WDR7: variants seen among roughly 807,000 people sequenced by gnomAD.
The protein encoded by WDR7 is WD repeat-containing protein 7.
WDR7 carries 46 observed loss-of-function variants against 169.4 expected under a neutral mutation model. That is an observed-to-expected ratio of 0.27 (90% CI 0.21 to 0.35). WDR7 has a LOEUF of 0.35. Among genes scored for constraint, WDR7 ranks in the 10% least tolerant of loss-of-function variants. The pLI, the probability that WDR7 is intolerant of heterozygous loss-of-function variation, is 1.00. For missense variants in WDR7, 1,534 were observed against 1,859.3 expected, an observed-to-expected ratio of 0.83 and a Z score of 3.22; for synonymous variants, 612 against 666.8, an observed-to-expected ratio of 0.92 and a Z score of 1.27.
chr18:56,972,820 A>G (rs1187235270), intron 26 of WDR7, among the ~76,000 whole-genome samples: 5 of 151,404 alleles, frequency 3.3e-5, no homozygotes, highest in Non-Finnish European at 4.4e-5. Context: ...TTATCCCACC[A>G]CTCACAAGTA....
intron 12 of WDR7, among the ~76,000 whole-genome samples, chr18:56,717,689 T>C (rs2026223050): frequency 6.6e-6 from 1 of 152,184 alleles, no homozygotes. Flanking sequence ...ATAGCAATCA[T>C]TGTAGTGAGG....
intron 5 of WDR7, among the ~76,000 whole-genome samples, chr18:56,685,381 C>T (rs2144589709): frequency 6.6e-6 from 1 of 152,322 alleles, no homozygotes; most frequent in East Asian, 1.9e-4. Flanking sequence ...TCCCCTCCTT[C>T]ACTCTGGAGC....
At chr18:56,917,875 A>C (rs1568266076) in intron 21 of WDR7, among the ~76,000 whole-genome samples, 1 of 152,182 alleles carries the variant, frequency 6.6e-6, no homozygotes, top group Admixed American at 6.5e-5. Flanking sequence ...AAGTACAATT[A>C]AAGTTGGGAC....
At chr18:56,665,184 T>TA (rs1191185850) in intron 1 of WDR7, among the ~76,000 whole-genome samples, 1 of 151,656 alleles carries the variant, frequency 6.6e-6, no homozygotes, top group Non-Finnish European at 1.5e-5. Context: ...TCCCAGCTAC[T>TA]CAGGAGGCTG....
intron 25 of WDR7, among the ~76,000 whole-genome samples, chr18:56,953,270 A>G (rs932583840): frequency 1.3e-5 from 2 of 152,246 alleles, no homozygotes; most frequent in African/African-American, 4.8e-5. Flanking sequence ...TGAAAAATCA[A>G]TAGAAACTTC....
chr18:56,673,335 G>A (rs147575614), intron 2 of WDR7, among the ~76,000 whole-genome samples: 7 of 152,290 alleles, frequency 4.6e-5, no homozygotes, highest in Non-Finnish European at 8.8e-5. Context: ...AGCTGGTATG[G>A]AATGTGGGGT....
chr18:56,803,943 G>C (rs1349150627), intron 19 of WDR7, among the ~76,000 whole-genome samples: 1 of 152,144 alleles, frequency 6.6e-6, no homozygotes, highest in Non-Finnish European at 1.5e-5. Flanking sequence ...TTACAGGTGT[G>C]CACCACTGTG....
chr18:56,713,636 T>G (rs1242790993), intron 12 of WDR7, among the ~76,000 whole-genome samples: 1 of 152,182 alleles, frequency 6.6e-6, no homozygotes, highest in Non-Finnish European at 1.5e-5. Flanking sequence ...ATGCCATTGG[T>G]GTTAAATCAT....
intron 16 of WDR7, among the ~76,000 whole-genome samples, chr18:56,766,945 A>T (rs927959859): frequency 6.6e-6 from 1 of 152,096 alleles, no homozygotes; most frequent in Non-Finnish European, 1.5e-5. Context: ...CTTAGAATAG[A>T]TGGGAGATGT....
At chr18:56,975,089 TTAGCC>T (rs2047546257) in intron 26 of WDR7, among the ~76,000 whole-genome samples, 1 of 151,970 alleles carries the variant, frequency 6.6e-6, no homozygotes, top group South Asian at 2.1e-4. Flanking sequence ...AATACAAAAA[TTAGCC>T]GGGTGTGGTG....
intron 26 of WDR7, among the ~76,000 whole-genome samples, chr18:57,011,055 A>G (rs765296846): frequency 6.6e-6 from 1 of 152,252 alleles, no homozygotes; most frequent in Non-Finnish European, 1.5e-5. Context: ...TAGTGAAAAT[A>G]TAAGCCTCGA....
At chr18:56,942,113 G>T (rs139492055) in intron 25 of WDR7, among the ~76,000 whole-genome samples, 1 of 152,248 alleles carries the variant, frequency 6.6e-6, no homozygotes, top group Non-Finnish European at 1.5e-5. Context: ...AAGAACTCTT[G>T]GTCTAAAGAC....
rs200024628 is a variant in WDR7, at chr18:56,905,854, G to GA, written c.3527-18060dup. On this transcript the variant is annotated intron_variant, in intron 21 of 27. Transcript: ENST00000254442. The stretch of plus-strand genomic sequence containing the variant: ...TGAAGAGTTCAAAGTGGTACTCGGG[G>GA]AAAAAAAATCACATAAACCTCAGTG... Among the ~76,000 whole-genome samples, 95 of 151,834 alleles carry GA rather than the reference G, an allele frequency of 6.3e-4. 3 individuals carry two copies. The South Asian group carries it at 0.014, about 23-fold the overall frequency.
At chr18:56,997,716 G>A (rs1468698386) in intron 26 of WDR7, among the ~76,000 whole-genome samples, 3 of 152,122 alleles carry the variant, frequency 2.0e-5, no homozygotes, top group Non-Finnish European at 4.4e-5. Context: ...TTGATCTCTA[G>A]ATTCCATCTT....
intron 1 of WDR7, among the ~76,000 whole-genome samples, chr18:56,670,309 GAAA>G (rs1283988132): frequency 6.6e-6 from 1 of 151,868 alleles, no homozygotes; most frequent in African/African-American, 2.4e-5. Context: ...TAAGATATTA[GAAA>G]AAAATGTTTT....
intron 7 of WDR7, among the ~76,000 whole-genome samples, chr18:56,687,519 ACT>A (rs112888782): frequency 6.6e-6 from 1 of 152,054 alleles, no homozygotes; most frequent in Non-Finnish European, 1.5e-5. Flanking sequence ...AATCCTTACA[ACT>A]CTCTGAGGTT....
intron 26 of WDR7, among the ~76,000 whole-genome samples, chr18:56,987,171 A>G (rs986843852): frequency 2.0e-5 from 3 of 151,630 alleles, no homozygotes; most frequent in Middle Eastern, 3.2e-3. Context: ...ACTTAAGCCT[A>G]AGTATTTCAG....
chr18:56,779,888 T>A (rs759231514), intron 18 of WDR7, among the ~76,000 whole-genome samples: 1 of 152,208 alleles, frequency 6.6e-6, no homozygotes, highest in African/African-American at 2.4e-5. Context: ...AATTACACAC[T>A]CAGTGTCATC....
chr18:56,960,633 C>T lies in WDR7; in HGVS notation c.4065-1797C>T, dbSNP rs181323218. Among the ~76,000 whole-genome samples, 292 of 152,222 alleles carry T rather than the reference C, an allele frequency of 1.9e-3. 1 individual carries two copies. Among genetic ancestry groups the T allele is most frequent in the African/African-American group, 6.5e-3 (269 of 41,558 alleles). On this transcript the variant is annotated intron_variant, in intron 25 of 27. Transcript: ENST00000254442. The stretch of plus-strand genomic sequence containing the variant: ...GTAGATGTAGGCACAGTTATGGACA[C>T]AGTGATGCCCAATACTTAGACCACT...
Sources: gnomAD v4.1 joint callset for allele counts (sites outside exome capture counted in the v4.1 genomes callset) on GRCh38, gnomAD v4.1.1 for gene constraint, MANE v1.5 for transcripts, NCBI Gene and HGNC (gene_info 2026-07-23, HGNC 2026-07-21) for gene names.